Variants in PPM1L observed in about 807,000 individuals in gnomAD.
The protein encoded by PPM1L is protein phosphatase, Mg2+/Mn2+ dependent 1L, also known as protein phosphatase 1L.
PPM1L carries 13 observed loss-of-function variants against 31.4 expected under a neutral mutation model. The observed-to-expected ratio is 0.41, with a 90% CI of 0.27 to 0.66. PPM1L has a LOEUF of 0.66. PPM1L is among the 30% of genes least tolerant of loss of function. The probability of loss-of-function intolerance (pLI) is 0.29; values close to 1 mark genes in which losing one functional copy is unlikely to be tolerated. For missense variants in PPM1L, 326 were observed against 453.7 expected (o/e 0.72, Z 2.56); for synonymous variants, 184 against 175.4 (o/e 1.05, Z -0.39).
chr3:161,006,809 A>G (rs1717725673), intron 2 of PPM1L, among the ~76,000 whole-genome samples: 1 of 150,768 alleles, frequency 6.6e-6, no homozygotes, highest in Non-Finnish European at 1.5e-5. Flanking sequence ...CAGCCTCCTG[A>G]GTAGCTGGGA....
intron 1 of PPM1L, among the ~76,000 whole-genome samples, chr3:160,839,365 C>G (rs1189971883): frequency 8.5e-5 from 13 of 152,160 alleles, no homozygotes; most frequent in Admixed American, 8.5e-4. Flanking sequence ...AATTTCCCAT[C>G]TCTAGGAGTG....
At chr3:160,948,212 G>T (rs539492239) in intron 1 of PPM1L, among the ~76,000 whole-genome samples, 1 of 152,246 alleles carries the variant, frequency 6.6e-6, no homozygotes, top group African/African-American at 2.4e-5. Context: ...TAAGGTTCAT[G>T]AACTGTATGC....
chr3:160,944,710 A>AAT lies in PPM1L; in HGVS notation c.400-17019_400-17018dup, dbSNP rs536695464. 3.6e-3 allele frequency among the ~76,000 whole-genome samples: 460 copies of AAT among 129,214 alleles called. 7 individuals carry two copies. The highest frequency in any genetic ancestry group is 0.012 in the African/African-American group (438 of 36,866). The allele number at this position is 129,214 out of a possible 152,430, so 84.8% of individuals were successfully genotyped here. A position where few individuals can be genotyped will look rare whatever the true frequency, so the allele number is the denominator to read the frequency against. On this transcript the variant is annotated intron_variant, in intron 1 of 3. Transcript: ENST00000498165. The stretch of plus-strand genomic sequence containing the variant: ...AAGCTAAAAAATTAATTTTATATAT[A>AAT]ATATATATGTTATATATAACATGTT...
At chr3:160,779,179 A>G (rs1195675359) in intron 1 of PPM1L, among the ~76,000 whole-genome samples, 2 of 152,104 alleles carry the variant, frequency 1.3e-5, no homozygotes, top group Non-Finnish European at 2.9e-5. Flanking sequence ...AGAGAAAGAA[A>G]GAGGTGGTGT....
intron 2 of PPM1L, among the ~76,000 whole-genome samples, chr3:161,014,823 CA>C (rs1241223888): frequency 6.6e-6 from 1 of 152,156 alleles, no homozygotes; most frequent in Admixed American, 6.5e-5. Context: ...TCAGATTTCT[CA>C]GACTTGCCTT....
chr3:160,893,540 T>G (rs1374789), intron 1 of PPM1L, among the ~76,000 whole-genome samples: 114,241 of 152,000 alleles, frequency 0.75, 43,286 homozygotes, highest in Middle Eastern at 0.83. Flanking sequence ...GAAATTGTTT[T>G]TCTATCAGAG....
Position 161,076,075 on chromosome 3 carries a change from A to G in PPM1L, c.*6918A>G, listed in dbSNP as rs1720087388. The G allele has an allele frequency of 6.6e-6, 1 of 152,202 alleles. No individual in the cohort carries two copies. Among genetic ancestry groups the G allele is most frequent in the African/African-American group, 2.4e-5 (1 of 41,462 alleles). The allele number at this position is 152,202 out of a possible 1,614,324, so 9.4% of individuals were successfully genotyped here. On this transcript the variant is annotated 3_prime_UTR_variant, in exon 4 of 4. Transcript: ENST00000498165. ...ACGACAGACAATTTCACAAAAACCA[A>G]CCACAGAGTGATTTGATATTCTTGC...
At chr3:160,910,172 C>G (rs1380283992) in intron 1 of PPM1L, among the ~76,000 whole-genome samples, 2 of 151,180 alleles carry the variant, frequency 1.3e-5, no homozygotes, top group Non-Finnish European at 2.9e-5. Flanking sequence ...TCTTTCCCTC[C>G]CTGTCCCCTT....
At chr3:160,808,416 T>TGTGTGTGTGTGTGCGTGCGTGC (rs1553808362) in intron 1 of PPM1L, among the ~76,000 whole-genome samples, 1 of 129,276 alleles carries the variant, frequency 7.7e-6, no homozygotes, top group African/African-American at 3.2e-5. Flanking sequence ...TGTGTGTGTG[T>TGTGTGTGTGTGTGCGTGCGTGC]GTGTGTGGTG....
intron 1 of PPM1L, among the ~76,000 whole-genome samples, chr3:160,892,651 G>A (rs1168633879): frequency 6.6e-6 from 1 of 151,256 alleles, no homozygotes; most frequent in Non-Finnish European, 1.5e-5. Context: ...TTGGGGTTTC[G>A]TATTATGAAA....
chr3:160,884,490 C>A (rs139937437), intron 1 of PPM1L, among the ~76,000 whole-genome samples: 14 of 152,198 alleles, frequency 9.2e-5, no homozygotes, highest in Non-Finnish European at 1.5e-4. Flanking sequence ...AACTTTGTGA[C>A]CTATGTGCTG....
chr3:160,829,227 C>A (rs570884146), intron 1 of PPM1L, among the ~76,000 whole-genome samples: 1 of 148,526 alleles, frequency 6.7e-6, no homozygotes, highest in South Asian at 2.1e-4. Flanking sequence ...CAAAACTCCA[C>A]CCTTGATAAA....
chr3:160,949,652 C>T (rs559724113), intron 1 of PPM1L, among the ~76,000 whole-genome samples: 46 of 152,074 alleles, frequency 3.0e-4, no homozygotes, highest in Non-Finnish European at 5.6e-4. Flanking sequence ...TGCCATCGTG[C>T]CTACATTGGA....
At chr3:160,900,598 A>G (rs1425348522) in intron 1 of PPM1L, among the ~76,000 whole-genome samples, 1 of 151,974 alleles carries the variant, frequency 6.6e-6, no homozygotes, top group South Asian at 2.1e-4. Flanking sequence ...TTATTTCCAC[A>G]TCATTATCTA....
At chr3:160,969,254 A>C (rs915337274) in intron 2 of PPM1L, among the ~76,000 whole-genome samples, 13 of 152,196 alleles carry the variant, frequency 8.5e-5, no homozygotes, top group Admixed American at 7.2e-4. Context: ...TTTTTGGAAA[A>C]ATAGCTTTTT....
chr3:160,841,292 TA>T (rs111437308), intron 1 of PPM1L, among the ~76,000 whole-genome samples: 25 of 152,150 alleles, frequency 1.6e-4, no homozygotes, highest in African/African-American at 6.0e-4. Flanking sequence ...TTCTCACAGA[TA>T]GGACTCAATG....
At chr3:160,865,572 C>T (rs190186858) in intron 1 of PPM1L, among the ~76,000 whole-genome samples, 3 of 152,132 alleles carry the variant, frequency 2.0e-5, no homozygotes, top group Admixed American at 6.6e-5. Context: ...GTCAAGAGAT[C>T]GAGACCATCC....
intron 1 of PPM1L, among the ~76,000 whole-genome samples, chr3:160,827,106 C>T (rs1303230506): frequency 6.6e-6 from 1 of 152,146 alleles, no homozygotes; most frequent in East Asian, 1.9e-4. Context: ...CTTTCTCAAA[C>T]TCTTTGTGCT....
chr3:160,858,694 A>G (rs1424995641), intron 1 of PPM1L, among the ~76,000 whole-genome samples: 1 of 152,232 alleles, frequency 6.6e-6, no homozygotes. Context: ...TACTAAAACA[A>G]TGAAGCACAG....
Sources: gnomAD v4.1 joint callset for allele counts (sites outside exome capture counted in the v4.1 genomes callset) on GRCh38, gnomAD v4.1.1 for gene constraint, MANE v1.5 for transcripts, NCBI Gene and HGNC (gene_info 2026-07-23, HGNC 2026-07-21) for gene names.